Variants in YES1 observed in about 807,000 individuals in gnomAD.
YES1 encodes tyrosine-protein kinase Yes.
YES1 carries 39 observed loss-of-function variants against 70.4 expected under a neutral mutation model. The observed-to-expected ratio is 0.55, with a 90% confidence interval of 0.43 to 0.72. YES1 has a LOEUF of 0.72. Among genes scored for constraint, YES1 ranks in the 30% least tolerant of loss-of-function variants. YES1 has a pLI of 0.00. For synonymous variants in YES1, 198 were observed against 218.6 expected, an observed-to-expected ratio of 0.91 and a Z score of 0.83; for missense variants, 495 against 644.8, an observed-to-expected ratio of 0.77 and a Z score of 2.52.
intron 1 of YES1, chr18:787,970 C>T (rs1906050742): frequency 6.6e-6 from 1 of 152,080 alleles, no homozygotes. Flanking sequence ...TCGAAATGTC[C>T]AGGTAAGGCA....
intron 1 of YES1, among the ~76,000 whole-genome samples, chr18:796,648 T>C (rs995319569): frequency 6.6e-6 from 1 of 152,078 alleles, no homozygotes; most frequent in Non-Finnish European, 1.5e-5. Flanking sequence ...GCATCTGTAG[T>C]CTCAGTTGCT....
At chr18:779,868 A>AAT (rs1314034893) in intron 1 of YES1, among the ~76,000 whole-genome samples, 1 of 152,114 alleles carries the variant, frequency 6.6e-6, no homozygotes, top group East Asian at 1.9e-4. Flanking sequence ...TTAAACTTTA[A>AAT]AAACATCATC....
At chr18:742,141 C>A (rs556626089) in intron 8 of YES1, among the ~76,000 whole-genome samples, 1 of 152,176 alleles carries the variant, frequency 6.6e-6, no homozygotes, top group African/African-American at 2.4e-5. Context: ...CAGATGAAAT[C>A]AAACACATAA....
At chr18:736,711 A>G (rs2080157225) in intron 10 of YES1, 97 bp downstream of exon 10, 2 of 1,453,968 alleles carry the variant, frequency 1.4e-6, no homozygotes, top group South Asian at 2.8e-5. Context: ...TTCTGAGGGA[A>G]GCTAAAACAA....
chr18:790,126 A>G (rs1906168665), intron 1 of YES1, among the ~76,000 whole-genome samples: 1 of 152,242 alleles, frequency 6.6e-6, no homozygotes, highest in Non-Finnish European at 1.5e-5. Context: ...CTGTAATCTC[A>G]GCACTTTGGG....
intron 1 of YES1, among the ~76,000 whole-genome samples, chr18:788,859 G>A (rs1906098448): frequency 1.3e-5 from 2 of 152,158 alleles, no homozygotes; most frequent in Admixed American, 6.5e-5. Flanking sequence ...CCAGGAGGCA[G>A]AGGTTGCAGT....
intron 1 of YES1, among the ~76,000 whole-genome samples, chr18:761,776 C>T (rs981561673): frequency 1.3e-5 from 2 of 152,164 alleles, no homozygotes; most frequent in Admixed American, 1.3e-4. Flanking sequence ...TGCATAGGAC[C>T]CATCATTGCT....
At chr18:752,359 C>G (rs982582578) in intron 2 of YES1, among the ~76,000 whole-genome samples, 1 of 152,150 alleles carries the variant, frequency 6.6e-6, no homozygotes, top group African/African-American at 2.4e-5. Context: ...ATTCGCCTGC[C>G]TTGACCTCCC....
At chr18:760,702 A>C (rs1904546722) in intron 1 of YES1, among the ~76,000 whole-genome samples, 1 of 152,214 alleles carries the variant, frequency 6.6e-6, no homozygotes, top group South Asian at 2.1e-4. Flanking sequence ...TATAAAAGGC[A>C]GTTGCTTCTA....
intron 1 of YES1, among the ~76,000 whole-genome samples, chr18:803,791 A>G (rs1906945075): frequency 6.6e-6 from 1 of 152,168 alleles, no homozygotes; most frequent in African/African-American, 2.4e-5. Flanking sequence ...CAAATATTTT[A>G]TTTGTTCAAA....
intron 1 of YES1, among the ~76,000 whole-genome samples, chr18:805,179 T>C (rs759160553): frequency 5.3e-5 from 8 of 152,168 alleles, no homozygotes; most frequent in Non-Finnish European, 7.3e-5. Context: ...TAGAGTGTAC[T>C]TACACAAACC....
At chr18:797,462 CA>C (rs199524663) in intron 1 of YES1, among the ~76,000 whole-genome samples, 5 of 148,188 alleles carry the variant, frequency 3.4e-5, no homozygotes, top group Admixed American at 2.0e-4. Context: ...AAAACAAAAC[CA>C]AAAAAAAACA....
chr18:785,414 TAGG>T (rs1197624725), intron 1 of YES1, among the ~76,000 whole-genome samples: 1 of 152,102 alleles, frequency 6.6e-6, no homozygotes, highest in Non-Finnish European at 1.5e-5. Flanking sequence ...TACTGAGTGT[TAGG>T]GGGGAGAAAG....
intron 1 of YES1, 103 bp downstream of exon 1, chr18:812,011 G>GGAACCGCGGCGGCGGC: frequency 7.1e-6 from 1 of 141,350 alleles, no homozygotes; most frequent in Non-Finnish European, 1.3e-5. Flanking sequence ...GCGGGGGCGG[G>GGAACCGCGGCGGCGGC]GAACCGCGGC....
At chr18:769,995 C>T (rs1250721429) in intron 1 of YES1, among the ~76,000 whole-genome samples, 1 of 151,634 alleles carries the variant, frequency 6.6e-6, no homozygotes, top group Non-Finnish European at 1.5e-5. Flanking sequence ...CTCTATCGCC[C>T]AGACTGGGAG....
At chr18:754,727 A>C (rs2080384281) in intron 2 of YES1, among the ~76,000 whole-genome samples, 1 of 151,854 alleles carries the variant, frequency 6.6e-6, no homozygotes, top group African/African-American at 2.4e-5. Context: ...AAAAAAAAAA[A>C]AAATCTCAGC....
At chr18:751,602 G>T in intron 3 of YES1, 103 bp downstream of exon 3, 1 of 764,730 alleles carries the variant, frequency 1.3e-6, no homozygotes, top group Non-Finnish European at 2.2e-6. Flanking sequence ...GGCAGCCCAT[G>T]CCCTACCTCT....
At chr18:785,241 G>A (rs1053730572) in intron 1 of YES1, among the ~76,000 whole-genome samples, 6 of 151,958 alleles carry the variant, frequency 3.9e-5, no homozygotes, top group African/African-American at 1.2e-4. Context: ...ATATGGCCCA[G>A]GGAAGCCAAA....
chr18:731,517 A>C (rs1281934604), intron 11 of YES1, among the ~76,000 whole-genome samples: 2 of 152,236 alleles, frequency 1.3e-5, no homozygotes, highest in Non-Finnish European at 2.9e-5. Context: ...TAAGATTAGC[A>C]AAACAGTTTT....
Sources: gnomAD v4.1 joint callset for allele counts (sites outside exome capture counted in the v4.1 genomes callset) on GRCh38, gnomAD v4.1.1 for gene constraint, MANE v1.5 for transcripts, NCBI Gene and HGNC (gene_info 2026-07-23, HGNC 2026-07-21) for gene names.